TNS2: variants seen among roughly 807,000 people sequenced by gnomAD.
The protein encoded by TNS2 is tensin-2.
A neutral mutation model predicts 155.7 loss-of-function variants in TNS2; 77 were observed. The observed-to-expected ratio is 0.49, with a 90% CI of 0.41 to 0.60. The LOEUF is 0.60. Ranked by LOEUF, TNS2 falls within the 20% of genes least tolerant of loss-of-function variation. The pLI, the probability that TNS2 is intolerant of heterozygous loss-of-function variation, is 0.00. For synonymous variants in TNS2, 726 were observed against 763.9 expected (o/e 0.95, Z 0.82); for missense variants, 1,703 against 1,868.8 (o/e 0.91, Z 1.64).
intron 8 of TNS2, 107 bp from the exon 9 acceptor site, chr12:53,055,461 A>G (rs1331365766): frequency 8.7e-6 from 12 of 1,380,450 alleles, no homozygotes; most frequent in Non-Finnish European, 1.2e-5. Flanking sequence ...CAACCAGCAG[A>G]CCCCCAGCCT....
rs149801196 is a variant in TNS2, at chr12:53,050,220, G to A, written c.35G>A (p.Arg12Lys). 1.1e-5 allele frequency: 18 copies of A among 1,610,750 alleles called. No homozygotes were observed. The African/African-American group carries it at 2.3e-4, about 20-fold the overall frequency. Residue 12 changes from arginine (R) to lysine (K), a missense_variant, in exon 1 of 29, where the codon AGA becomes AAA. Transcript: ENST00000314250. The surrounding 1 kb of genome is among the most constrained non-coding windows in gnomAD (Gnocchi z 4.7). ...KSSGPVERLL[R>K]ALGRRDSSRA... ...AGCGGCCCTGTGGAGAGGCTGCTCA[G>A]AGCCCTGGGGAGGAGGGACAGCAGC...
chr12:53,061,196 C>T lies in TNS2; in HGVS notation c.3290C>T (p.Pro1097Leu), dbSNP rs747807298. 4 of 1,582,012 alleles carry T rather than the reference C, an allele frequency of 2.5e-6. No individual in the cohort carries two copies. The highest frequency in any genetic ancestry group is 3.4e-6 in the Non-Finnish European group (4 of 1,164,466). Residue 1097 changes from proline to leucine, a missense_variant, in exon 20 of 29, where the codon CCA (proline) becomes CTA (leucine). Physicochemically the swap from Pro to Leu is moderately conservative, Grantham distance 98. Coordinates refer to ENST00000314250, the MANE Select transcript of TNS2 (RefSeq NM_170754.4). ...GPWGPEQASS[P>L]ARGISHHVTF... ...TGGGGCCCAGAGCAGGCATCATCGC[C>T]AGCCAGAGGCATCAGTCACCATGTC... is the stretch of plus-strand genomic sequence containing the variant.
chr12:53,047,188 C>CGGGCGCGGGCGCGGGGCGCG (rs1555156096), upstream of TNS2: 1 of 141,284 alleles, frequency 7.1e-6, no homozygotes, highest in Non-Finnish European at 1.5e-5. Flanking sequence ...GGCGCGGGCG[C>CGGGCGCGGGCGCGGGGCGCG]GGGCGCGGGG....
intron 11 of TNS2, among the ~76,000 whole-genome samples, chr12:53,057,350 A>C (rs1188348606): frequency 6.6e-6 from 1 of 152,238 alleles, no homozygotes; most frequent in Admixed American, 6.5e-5. Context: ...AGGGCCTGCC[A>C]CTATAAAGTG....
chr12:53,059,215 C>CT lies in TNS2; in HGVS notation c.1575dup (p.Glu526Ter). ...TCCACGCTGACCACAGAGCCGGCTG[C>CT]TGAGTCCCCTGGCCGGCCGCCCCCT... On this transcript the variant is annotated frameshift_variant, in exon 18 of 29. Coordinates refer to ENST00000314250, the MANE Select transcript of TNS2 (RefSeq NM_170754.4). LOFTEE classifies it high-confidence loss of function. The surrounding 1 kb of genome is among the most constrained non-coding windows in gnomAD (Gnocchi z 4.7). The CT allele has an allele frequency of 6.4e-7, 1 of 1,572,526 alleles. No individual in the cohort carries two copies. The highest frequency in any genetic ancestry group is 8.6e-7 in the Non-Finnish European group (1 of 1,166,280).
chr12:53,061,484 T>G lies in TNS2; in HGVS notation c.3448+15T>G, dbSNP rs749615856. The G allele has an allele frequency of 1.2e-6, 2 of 1,613,440 alleles. No homozygotes were observed. Among genetic ancestry groups the G allele is most frequent in the Non-Finnish European group, 1.7e-6 (2 of 1,179,566 alleles). ...CCGTGACCAAGGTGAGAAGCCAGCC[T>G]GCCCCCACCCCACTGCATCCCACCT... On this transcript the variant is annotated intron_variant, in intron 21 of 28. Coordinates refer to ENST00000314250, the MANE Select transcript of TNS2 (RefSeq NM_170754.4).
Position 53,055,080 on chromosome 12 carries a change from G to A in TNS2, c.523-106G>A, listed in dbSNP as rs528195491. On this transcript the variant is annotated intron_variant, in intron 7 of 28. Transcript: ENST00000314250. ...GTTATAGGCGTGAGTTACTGCGACCGGCCTGCACCTTATTTTAGAGGAAGA... is the reference window on the plus strand; with the variant it reads ...GTTATAGGCGTGAGTTACTGCGACCAGCCTGCACCTTATTTTAGAGGAAGA... The A allele has an allele frequency of 1.9e-4, 255 of 1,346,468 alleles. 1 individual carries two copies. The East Asian group carries it at 4.6e-3, about 24-fold the overall frequency. The allele number at this position is 1,346,468 out of a possible 1,614,324, so 83.4% of individuals were successfully genotyped here.
chr12:53,061,515 G>A, intron 21 of TNS2, 46 bp downstream of exon 21: 1 of 1,600,254 alleles, frequency 6.2e-7, no homozygotes, highest in Middle Eastern at 1.7e-4. Context: ...CACCTTCCAG[G>A]GTGTCTGTCT....
Position 53,062,250 on chromosome 12 carries a change from GA to G in TNS2, c.3667+7del, listed in dbSNP as rs1301760014. 4 of 1,613,906 alleles carry G rather than the reference GA, an allele frequency of 2.5e-6. No homozygotes were observed. The highest frequency in any genetic ancestry group is 8.5e-7 in the Non-Finnish European group (1 of 1,179,884). On this transcript the variant is annotated splice_donor_region_variant and intron_variant, in intron 23 of 28. Coordinates refer to ENST00000314250, the MANE Select transcript of TNS2 (RefSeq NM_170754.4). ...GCCCCAGTGAGCCCTACTTTGGTGA[GA>G]AGCAGGAGCCTGGGGAAGGCTACGT...
At chr12:53,051,478 C>A (rs1943928496) in intron 1 of TNS2, among the ~76,000 whole-genome samples, 2 of 151,508 alleles carry the variant, frequency 1.3e-5, no homozygotes, top group South Asian at 4.2e-4. Flanking sequence ...CCTGCTCACT[C>A]TGCACACAGG....
Position 53,063,183 on chromosome 12 carries a change from C to A in TNS2, c.3918C>A (p.Ser1306Arg), listed in dbSNP as rs146644659. The change falls in exon 26 of 29, where the codon AGC becomes AGA. Residue 1306 changes from serine (S) to arginine (R), a missense_variant. Coordinates refer to ENST00000314250, the MANE Select transcript of TNS2 (RefSeq NM_170754.4). The surrounding 1 kb of genome is among the most constrained non-coding windows in gnomAD (Gnocchi z 5.6). ...CCAGCTCTGCAGCTCTGAGCTGTAG[C>A]CCCCGCCCGACACCAGCTGTTGTCC... ...ARASSAALSC[S>R]PRPTPAVVHF... 67 of 1,611,858 alleles carry A rather than the reference C, an allele frequency of 4.2e-5. No homozygotes were observed. Among genetic ancestry groups the A allele is most frequent in the Non-Finnish European group, 2.2e-5 (26 of 1,179,374 alleles).
chr12:53,050,009 C>G (rs960865899), upstream of TNS2: 73 of 1,433,148 alleles, frequency 5.1e-5, no homozygotes, highest in Non-Finnish European at 6.1e-5. The surrounding 1 kb of genome is among the most constrained non-coding windows in gnomAD (Gnocchi z 4.7). Flanking sequence ...CGACCTGCCC[C>G]CTTCCCGCCT....
At chr12:53,055,965 G>C (rs913595081) in intron 10 of TNS2, 120 bp downstream of exon 10, 19 of 1,019,560 alleles carry the variant, frequency 1.9e-5, no homozygotes, top group Non-Finnish European at 2.5e-5. Context: ...TGTCAGCTTA[G>C]CACTTCCACC....
chr12:53,052,094 A>C lies in TNS2; in HGVS notation c.184+131A>C, dbSNP rs892897861. 1.4e-5 allele frequency: 11 copies of C among 776,968 alleles called. No individual in the cohort carries two copies. In the South Asian group the frequency reaches 1.8e-4, roughly 13 times the overall value. 48.1% of individuals were successfully genotyped at this position (776,968 alleles called of 1,614,324 possible). A position where few individuals can be genotyped will look rare whatever the true frequency, so the allele number is the denominator to read the frequency against. On this transcript the variant is annotated intron_variant, in intron 2 of 28. Coordinates refer to ENST00000314250, the MANE Select transcript of TNS2 (RefSeq NM_170754.4). Reference sequence around the variant, plus strand: ...TGGATTAGGCACAATGGCAGCTAAGAAGCAGCTGCCTCCCCCTTCAGATGG... The same window carrying C: ...TGGATTAGGCACAATGGCAGCTAAGCAGCAGCTGCCTCCCCCTTCAGATGG...
intron 21 of TNS2, 144 bp from the exon 22 acceptor site, chr12:53,061,671 G>C (rs969506034): frequency 1.1e-5 from 16 of 1,445,844 alleles, no homozygotes; most frequent in African/African-American, 1.4e-5. Context: ...GTGAACTCTA[G>C]AGCCCTGGCC....
Position 53,059,279 on chromosome 12 carries a change from A to T in TNS2, c.1638A>T (p.Gly546=). 1 of 1,487,656 alleles carries T rather than the reference A, an allele frequency of 6.7e-7. No individual in the cohort carries two copies. The allele number at this position is 1,487,656 out of a possible 1,614,324, so 92.2% of individuals were successfully genotyped here. A position where few individuals can be genotyped will look rare whatever the true frequency, so the allele number is the denominator to read the frequency against. The change falls in exon 18 of 29, where the codon GGA becomes GGT. Residue 546 remains glycine (G), a synonymous_variant. Coordinates refer to ENST00000314250, the MANE Select transcript of TNS2 (RefSeq NM_170754.4). The surrounding 1 kb of genome is among the most constrained non-coding windows in gnomAD (Gnocchi z 4.7). ...GGCAGGAGCTGGATCGCCTCCTAGG[A>T]GGCTGCGGAGTGGCCAGTGGGGGCC... The part of the protein sequence containing the change: ...AERQELDRLL[G]GCGVASGGRG...
chr12:53,047,968 G>T (rs560290089), upstream of TNS2, among the ~76,000 whole-genome samples: 1 of 152,292 alleles, frequency 6.6e-6, no homozygotes, highest in South Asian at 2.1e-4. Flanking sequence ...AGAAAGGGGG[G>T]TGTGGGTGGA....
Position 53,050,213 on chromosome 12 carries a change from C to T in TNS2, c.28C>T (p.Leu10=). The part of the protein sequence containing the change: MKSSGPVER[L]LRALGRRDSS... ...GAAGTCCAGCGGCCCTGTGGAGAGG[C>T]TGCTCAGAGCCCTGGGGAGGAGGGA... is the stretch of plus-strand genomic sequence containing the variant. The change falls in exon 1 of 29, where the codon CTG becomes TTG. Residue 10 remains leucine, a synonymous_variant. Coordinates refer to ENST00000314250, the MANE Select transcript of TNS2 (RefSeq NM_170754.4). The surrounding 1 kb of genome is among the most constrained non-coding windows in gnomAD (Gnocchi z 4.7). The T allele has an allele frequency of 6.2e-7, 1 of 1,611,096 alleles. No individual in the cohort carries two copies. The highest frequency in any genetic ancestry group is 2.2e-5 in the East Asian group (1 of 44,816).
At chr12:53,054,195 A>G in intron 6 of TNS2, 75 bp from the exon 7 acceptor site, 2 of 1,601,220 alleles carry the variant, frequency 1.2e-6, no homozygotes, top group Non-Finnish European at 1.7e-6. Flanking sequence ...GCTGCCCAAC[A>G]GACAGCCTTC....
Sources: allele counts gnomAD v4.1 joint callset (sites outside exome capture counted in the v4.1 genomes callset), GRCh38; gene constraint gnomAD v4.1.1; non-coding constraint Gnocchi (gnomAD v3.1); transcripts MANE v1.5; gene names NCBI Gene and HGNC (gene_info 2026-07-23, HGNC 2026-07-21).